The following EYA3 variants were observed in gnomAD, a reference collection of about 807,000 sequenced individuals.
EYA3 encodes protein phosphatase EYA3.
Under a neutral mutation model 80.0 loss-of-function variants are expected in EYA3, and 39 were observed. That is an observed-to-expected ratio of 0.49 (90% confidence interval 0.38 to 0.64). The LOEUF (loss-of-function observed/expected upper bound fraction) is 0.64, where lower values mean the gene tolerates loss of function less well. Ranked by LOEUF, EYA3 falls within the 30% of genes least tolerant of loss-of-function variation. The pLI is 0.00. For synonymous variants in EYA3, 206 were observed against 232.8 expected (o/e 0.88, Z 1.05); for missense variants, 523 against 676.1 (o/e 0.77, Z 2.51).
chr1:28,028,669 A>AG (rs908190635), intron 6 of EYA3, among the ~76,000 whole-genome samples: 3 of 150,238 alleles, frequency 2.0e-5, no homozygotes, highest in African/African-American at 7.4e-5. Context: ...CTTTTGCCCC[A>AG]GCCTCCTTTA....
intron 12 of EYA3, chr1:27,998,410 T>C: frequency 1.6e-6 from 1 of 628,156 alleles, no homozygotes; most frequent in Non-Finnish European, 2.0e-6. Flanking sequence ...AGGTTTTCAA[T>C]AAATGTTTGC....
At chr1:28,047,918 C>CTT (rs1644085035) in intron 3 of EYA3, among the ~76,000 whole-genome samples, 1 of 152,120 alleles carries the variant, frequency 6.6e-6, no homozygotes, top group Non-Finnish European at 1.5e-5. Context: ...GGATTACAGG[C>CTT]GTGAGCGACC....
At position 27,989,806 on chromosome 1, in the gene EYA3, G is replaced by A; in HGVS notation, c.1309C>T (p.Leu437Phe). Residue 437 changes from leucine (L) to phenylalanine (F), a missense_variant, in exon 15 of 18, where the codon CTC (leucine) becomes TTC (phenylalanine). Physicochemically the swap from Leu to Phe is conservative, Grantham distance 22. Transcript: ENST00000373871. ...AGTGCTTCCTTCCTCTGGGGACTGAGGAGACCTTTAGGAATAAAAGCAGAC... is the reference window on the plus strand; with the variant it reads ...AGTGCTTCCTTCCTCTGGGGACTGAAGAGACCTTTAGGAATAAAAGCAGAC... ...DKHKSNVGGL[L>F]SPQRKEALQR... 1 of 1,600,086 alleles carries A rather than the reference G, an allele frequency of 6.2e-7. No individual in the cohort carries two copies. Among genetic ancestry groups the A allele is most frequent in the Non-Finnish European group, 8.5e-7 (1 of 1,171,756 alleles).
At chr1:28,082,449 C>T (rs1326822135) in intron 1 of EYA3, among the ~76,000 whole-genome samples, 1 of 152,040 alleles carries the variant, frequency 6.6e-6, no homozygotes, top group Admixed American at 6.6e-5. Flanking sequence ...TTTGCATCTT[C>T]TCATTTAGAA....
At chr1:27,982,835 G>T (rs553310451) in intron 16 of EYA3, among the ~76,000 whole-genome samples, 2 of 152,302 alleles carry the variant, frequency 1.3e-5, no homozygotes, top group East Asian at 3.9e-4. Context: ...AAAGTGCTGG[G>T]ATTACAGGCG....
chr1:28,020,661 G>T (rs1484282032), intron 7 of EYA3, among the ~76,000 whole-genome samples: 1 of 116,214 alleles, frequency 8.6e-6, no homozygotes, highest in Admixed American at 8.7e-5. Context: ...AAAAAATACA[G>T]ATCATCGTGT....
intron 3 of EYA3, among the ~76,000 whole-genome samples, chr1:28,044,151 T>C (rs1208947750): frequency 1.3e-5 from 2 of 152,238 alleles, no homozygotes; most frequent in Admixed American, 1.3e-4. Context: ...ACTTTCATTC[T>C]TCAAAATGTT....
At chr1:28,084,556 A>ATATATATAT (rs1645543986) in intron 1 of EYA3, among the ~76,000 whole-genome samples, 8 of 32,728 alleles carry the variant, frequency 2.4e-4, no homozygotes, top group African/African-American at 8.1e-4. Context: ...ACTATTCCAA[A>ATATATATAT]ATATATATAT....
At position 28,001,016 on chromosome 1, in the gene EYA3, G is replaced by A. The variant is rs116671863; in HGVS notation, c.994-967C>T. On this transcript the variant is annotated intron_variant, in intron 11 of 17. Transcript: ENST00000373871. ...GGAAACAGAGGTTGCAGTAAGCTGA[G>A]ACTGCACCACTGCACTCCAGCCTGC... 4.6e-3 allele frequency among the ~76,000 whole-genome samples: 697 copies of A among 152,186 alleles called. 5 individuals carry two copies. The highest frequency in any genetic ancestry group is 0.016 in the African/African-American group (667 of 41,522).
In EYA3 at chr1:28,004,546, C is replaced by A. The variant is rs537289223; in HGVS notation, c.910-127G>T. 2.4e-5 allele frequency: 14 copies of A among 592,796 alleles called. No homozygotes were observed. The Admixed American group carries it at 2.9e-4, about 12-fold the overall frequency. 36.7% of individuals were successfully genotyped at this position (592,796 alleles called of 1,614,324 possible). The stretch of plus-strand genomic sequence containing the variant: ...AGGAATTAAACAATACAATCCTAAA[C>A]AACCAATGCGTCAAAGAAGAAATCA... On this transcript the variant is annotated intron_variant, in intron 10 of 17. Coordinates refer to ENST00000373871, the MANE Select transcript of EYA3 (RefSeq NM_001990.4).
At chr1:28,023,793 T>C (rs977259182) in intron 7 of EYA3, among the ~76,000 whole-genome samples, 9 of 152,196 alleles carry the variant, frequency 5.9e-5, no homozygotes, top group African/African-American at 2.2e-4. Flanking sequence ...ACTTAGTTAA[T>C]AATAACATAC....
chr1:28,011,790 T>C (rs1641714936), intron 9 of EYA3, among the ~76,000 whole-genome samples: 1 of 152,194 alleles, frequency 6.6e-6, no homozygotes, highest in South Asian at 2.1e-4. Context: ...TAATTACCAA[T>C]CACAATTTAT....
chr1:28,020,649 T>TA (rs890654986), intron 7 of EYA3, among the ~76,000 whole-genome samples: 5 of 147,392 alleles, frequency 3.4e-5, no homozygotes, highest in Admixed American at 6.8e-5. Context: ...CAGGCACTTT[T>TA]AAAAAAATAC....
intron 9 of EYA3, among the ~76,000 whole-genome samples, chr1:28,012,195 G>A (rs553288774): frequency 6.6e-6 from 1 of 152,300 alleles, no homozygotes; most frequent in African/African-American, 2.4e-5. Context: ...GAAGATGAAT[G>A]ATGGATATGT....
chr1:28,014,924 A>G (rs1641946402), intron 8 of EYA3, among the ~76,000 whole-genome samples: 1 of 152,208 alleles, frequency 6.6e-6, no homozygotes, highest in Admixed American at 6.5e-5. Context: ...GACACTGATA[A>G]TGATGGCAAG....
intron 16 of EYA3, among the ~76,000 whole-genome samples, chr1:27,985,415 G>A (rs933949575): frequency 2.6e-5 from 4 of 152,084 alleles, no homozygotes; most frequent in Admixed American, 2.0e-4. Flanking sequence ...ACATTAGAAG[G>A]AGTTGATCAC....
In EYA3 at chr1:28,067,148, A is replaced by G. The variant is rs527953323; in HGVS notation, c.-68-9054T>C. On this transcript the variant is annotated intron_variant, in intron 1 of 17. Coordinates refer to ENST00000373871, the MANE Select transcript of EYA3 (RefSeq NM_001990.4). Reference sequence around the variant, plus strand: ...TAAAAGAGGTCATAAGATTGGCCACAGCCTAATCTGAATAATTTTTCTTAG... The same window carrying G: ...TAAAAGAGGTCATAAGATTGGCCACGGCCTAATCTGAATAATTTTTCTTAG... Among the ~76,000 whole-genome samples the G allele has an allele frequency of 3.5e-4, 53 of 152,338 alleles. No homozygotes were observed. The South Asian group carries it at 0.011, about 32-fold the overall frequency.
intron 1 of EYA3, among the ~76,000 whole-genome samples, chr1:28,060,901 C>T (rs1365563022): frequency 2.0e-5 from 3 of 152,186 alleles, no homozygotes; most frequent in African/African-American, 7.2e-5. Context: ...GTAGTCCCAG[C>T]TCCTTGGGAG....
intron 7 of EYA3, among the ~76,000 whole-genome samples, chr1:28,018,306 G>A (rs952473491): frequency 6.6e-6 from 1 of 152,176 alleles, no homozygotes. Flanking sequence ...TACTTCTTCT[G>A]TCATAGGTTC....
Sources: allele counts gnomAD v4.1 joint callset (sites outside exome capture counted in the v4.1 genomes callset), GRCh38; gene constraint gnomAD v4.1.1; transcripts MANE v1.5; gene names NCBI Gene and HGNC (gene_info 2026-07-23, HGNC 2026-07-21).